Variants in SGCD observed in about 807,000 individuals in gnomAD.
The protein encoded by SGCD is sarcoglycan delta.
Under a neutral mutation model 36.6 loss-of-function variants are expected in SGCD, and 18 were observed. That is an observed-to-expected ratio of 0.49 (90% confidence interval 0.34 to 0.73). SGCD has a LOEUF of 0.73. SGCD is among the 30% of genes least tolerant of loss of function. The pLI is 0.01. For synonymous variants in SGCD, 133 were observed against 130.6 expected (o/e 1.02, Z -0.12); for missense variants, 387 against 346.7 (o/e 1.12, Z -0.92).
rs1036325163 is a variant in SGCD, at chr5:156,566,259, T to TA, written c.295-22965dup. Among the ~76,000 whole-genome samples, 4 of 152,106 alleles carry TA rather than the reference T, an allele frequency of 2.6e-5. No individual in the cohort carries two copies. The South Asian group carries it at 6.2e-4, about 24-fold the overall frequency. The stretch of plus-strand genomic sequence containing the variant: ...GAGAGTGTAAATAAATTCAATTTTT[T>TA]AAAAAAACATGTCTACCAAAATAAA... On this transcript the variant is annotated intron_variant, in intron 4 of 8. Coordinates refer to ENST00000337851, the MANE Select transcript of SGCD (RefSeq NM_000337.6).
intron 1 of SGCD, among the ~76,000 whole-genome samples, chr5:156,010,839 A>G (rs1157881546): frequency 2.6e-5 from 4 of 152,210 alleles, no homozygotes; most frequent in African/African-American, 9.6e-5. Flanking sequence ...GATCTATCTG[A>G]TACCAAAGCT....
At chr5:156,110,980 T>C (rs929834566) in intron 1 of SGCD, among the ~76,000 whole-genome samples, 1 of 152,082 alleles carries the variant, frequency 6.6e-6, no homozygotes, top group African/African-American at 2.4e-5. Context: ...AGAGAGACAA[T>C]ATTTGAACAC....
At position 156,764,326 on chromosome 5, in the gene SGCD, G is replaced by A. The variant is rs955124813; in HGVS notation, c.*4936G>A. The A allele has an allele frequency of 6.6e-6, 1 of 152,508 alleles. No homozygotes were observed. The highest frequency in any genetic ancestry group is 1.5e-5 in the Non-Finnish European group (1 of 68,026). The allele number at this position is 152,508 out of a possible 1,614,324, so 9.4% of individuals were successfully genotyped here. A position where few individuals can be genotyped will look rare whatever the true frequency, so the allele number is the denominator to read the frequency against. ...ATGCCTCTCTTTCTTTGTGGTAATC[G>A]GAATTTAAAATTATACAGTTGCCTC... On this transcript the variant is annotated 3_prime_UTR_variant, in exon 9 of 9. Coordinates refer to ENST00000337851, the MANE Select transcript of SGCD (RefSeq NM_000337.6).
intron 3 of SGCD, among the ~76,000 whole-genome samples, chr5:156,220,444 C>T (rs1268377981): frequency 2.6e-5 from 4 of 152,088 alleles, no homozygotes; most frequent in Non-Finnish European, 5.9e-5. Flanking sequence ...CAGGTATAGG[C>T]ATGAAATTAC....
the SGCD span, among the ~76,000 whole-genome samples, chr5:155,854,497 T>C: frequency 5.6e-4 from 86 of 152,258 alleles, no homozygotes; most frequent in Non-Finnish European, 9.7e-4. Flanking sequence ...CTATGGAAAA[T>C]TTGCCTCGTA....
chr5:155,933,935 G>T (rs536427259), intron 1 of SGCD, among the ~76,000 whole-genome samples: 2 of 152,270 alleles, frequency 1.3e-5, no homozygotes, highest in East Asian at 3.9e-4. Flanking sequence ...GAAAAGCTAA[G>T]AACCAAGCTT....
chr5:156,558,240 G>A (rs1759122148), intron 4 of SGCD, among the ~76,000 whole-genome samples: 1 of 151,402 alleles, frequency 6.6e-6, no homozygotes, highest in Non-Finnish European at 1.5e-5. Context: ...CTTTGGCCAA[G>A]TTACTTACCC....
intron 1 of SGCD, among the ~76,000 whole-genome samples, chr5:155,900,657 G>T (rs1294369551): frequency 6.9e-6 from 1 of 144,296 alleles, no homozygotes; most frequent in Non-Finnish European, 1.5e-5. Flanking sequence ...TCCCACCTAT[G>T]AGTGAGAATA....
the SGCD span, among the ~76,000 whole-genome samples, chr5:155,812,933 A>G: frequency 6.6e-6 from 1 of 152,166 alleles, no homozygotes. Flanking sequence ...GAGGAAAGTG[A>G]TGCTTTAAAT....
the SGCD span, among the ~76,000 whole-genome samples, chr5:155,838,068 T>C: frequency 2.0e-5 from 3 of 152,162 alleles, no homozygotes; most frequent in East Asian, 5.8e-4. Context: ...TCCCTCCTCC[T>C]TTCTGACAGA....
chr5:156,615,548 G>A (rs1020227265), intron 6 of SGCD, among the ~76,000 whole-genome samples: 2 of 152,212 alleles, frequency 1.3e-5, no homozygotes, highest in East Asian at 3.9e-4. Flanking sequence ...CTACTGCAAC[G>A]TGGCAAATGA....
chr5:156,002,819 C>G (rs1351296390), intron 1 of SGCD, among the ~76,000 whole-genome samples: 1 of 152,138 alleles, frequency 6.6e-6, no homozygotes, highest in Non-Finnish European at 1.5e-5. Context: ...GAGGAGCAAC[C>G]CTTGAATTAA....
chr5:156,036,474 C>T (rs1442293414), intron 1 of SGCD, among the ~76,000 whole-genome samples: 1 of 152,164 alleles, frequency 6.6e-6, no homozygotes, highest in Non-Finnish European at 1.5e-5. Context: ...TCATTTTCCC[C>T]TTATCTAAGG....
At chr5:156,288,111 T>C (rs1766661906) in intron 3 of SGCD, among the ~76,000 whole-genome samples, 1 of 152,184 alleles carries the variant, frequency 6.6e-6, no homozygotes, top group Non-Finnish European at 1.5e-5. Context: ...CAGAATATCT[T>C]TTGAATGTAG....
intron 3 of SGCD, among the ~76,000 whole-genome samples, chr5:156,423,665 A>G (rs1773532058): frequency 6.6e-6 from 1 of 151,546 alleles, no homozygotes; most frequent in Non-Finnish European, 1.5e-5. Flanking sequence ...GCCTCTCAAG[A>G]ATAGACCCAA....
At chr5:156,254,941 T>C (rs182517950) in intron 3 of SGCD, among the ~76,000 whole-genome samples, 64 of 152,324 alleles carry the variant, frequency 4.2e-4, no homozygotes, top group Admixed American at 9.2e-4. Flanking sequence ...ATTTGAAATC[T>C]GAAATGCTCC....
chr5:156,269,465 G>A (rs1358936223), intron 3 of SGCD, among the ~76,000 whole-genome samples: 19 of 69,126 alleles, frequency 2.7e-4, no homozygotes, highest in Non-Finnish European at 3.4e-4. Flanking sequence ...GTGAGACTCC[G>A]TCTCAAAAAA....
chr5:156,535,161 AT>A (rs1182160898), intron 4 of SGCD, among the ~76,000 whole-genome samples: 1 of 152,006 alleles, frequency 6.6e-6, no homozygotes, highest in Non-Finnish European at 1.5e-5. Flanking sequence ...TTTGTCAGAG[AT>A]TTTTTTTCAG....
At chr5:156,263,209 GT>G (rs1222195254) in intron 3 of SGCD, among the ~76,000 whole-genome samples, 1 of 151,964 alleles carries the variant, frequency 6.6e-6, no homozygotes, top group East Asian at 1.9e-4. Context: ...GGTTGTACTA[GT>G]TTACCTTCTC....
Sources: gnomAD v4.1 joint callset for allele counts (sites outside exome capture counted in the v4.1 genomes callset) on GRCh38, gnomAD v4.1.1 for gene constraint, MANE v1.5 for transcripts, NCBI Gene and HGNC (gene_info 2026-07-23, HGNC 2026-07-21) for gene names.